The following SEC61A2 variants were observed in gnomAD, a reference collection of about 807,000 sequenced individuals.
SEC61A2 encodes SEC61 translocon subunit alpha 2, also known as protein transport protein Sec61 subunit alpha isoform 2.
A neutral mutation model predicts 59.9 loss-of-function variants in SEC61A2; 28 were observed. The observed-to-expected ratio is 0.47, with a 90% CI of 0.35 to 0.64. SEC61A2 has a LOEUF of 0.64. Ranked by LOEUF, SEC61A2 falls within the 30% of genes least tolerant of loss-of-function variation. SEC61A2 has a pLI of 0.01. For synonymous variants in SEC61A2, 202 were observed against 214.4 expected (o/e 0.94, Z 0.50); for missense variants, 340 against 585.9 (o/e 0.58, Z 4.33).
In SEC61A2 at chr10:12,145,754, T is replaced by C. The variant is rs1170755978; in HGVS notation, c.220+2559T>C. 1.3e-5 allele frequency among the ~76,000 whole-genome samples: 2 copies of C among 152,310 alleles called. No homozygotes were observed. The highest frequency in any genetic ancestry group is 3.9e-4 in the East Asian group (2 of 5,182). On this transcript the variant is annotated intron_variant, in intron 4 of 11. Coordinates refer to ENST00000298428, the MANE Select transcript of SEC61A2 (RefSeq NM_018144.4). The surrounding 1 kb of genome is among the most constrained non-coding windows in gnomAD (Gnocchi z 4.4). Reference sequence around the variant, plus strand: ...CAGCCTTGTTAGGATGTTGGAACATTACCCATCTGACATGAAAAGAAAAAA... The same window carrying C: ...CAGCCTTGTTAGGATGTTGGAACATCACCCATCTGACATGAAAAGAAAAAA...
chr10:12,169,936 C>A (rs956737401), downstream of SEC61A2: 10 of 569,792 alleles, frequency 1.8e-5, no homozygotes, highest in Admixed American at 3.2e-4. This position sits in a 1 kb window ranked among gnomAD's most constrained non-coding sequence, Gnocchi z 4.8. Context: ...ACACTTATAC[C>A]CAATAAAATA....
chr10:12,151,849 C>CACA (rs1204363543), intron 6 of SEC61A2, among the ~76,000 whole-genome samples: 1 of 150,884 alleles, frequency 6.6e-6, no homozygotes, highest in Non-Finnish European at 1.5e-5. Context: ...CTTGGCTCAA[C>CACA]ACAACCTCTG....
Position 12,141,897 on chromosome 10 carries a change from C to T in SEC61A2, c.142-1220C>T, listed in dbSNP as rs115536847. Among the ~76,000 whole-genome samples, 921 of 152,172 alleles carry T rather than the reference C, an allele frequency of 6.1e-3. 10 individuals carry two copies. Among genetic ancestry groups the T allele is most frequent in the African/African-American group, 0.021 (865 of 41,504 alleles). ...TGACCCGCAAACACTGAAGGAGCTG[C>T]GAAACCAATGAATGAGGGAGACAAA... On this transcript the variant is annotated intron_variant, in intron 3 of 11. Coordinates refer to ENST00000298428, the MANE Select transcript of SEC61A2 (RefSeq NM_018144.4).
rs1315355699 is a variant in SEC61A2 at position 12,155,785 on chromosome 10, T to C, written c.470T>C (p.Val157Ala). ...GCATTTCTTTCCCCACAGTTGTTTG[T>C]TGCTGGTTTGATTGTGCTGCTGTTA... ...ICLLIIIQLF[V>A]AGLIVLLLDE... The change falls in exon 7 of 12, where the codon GTT (valine) becomes GCT (alanine). Residue 157 changes from valine (V) to alanine (A), a missense_variant. Around this residue, in one of 3 missense-constraint regions of SEC61A2, gnomAD observed 283 missense variants for 483.2 expected, o/e 0.59. Coordinates refer to ENST00000298428, the MANE Select transcript of SEC61A2 (RefSeq NM_018144.4). The surrounding 1 kb of genome is among the most constrained non-coding windows in gnomAD (Gnocchi z 4.3). 1 of 1,614,102 alleles carries C rather than the reference T, an allele frequency of 6.2e-7. No homozygotes were observed. The highest frequency in any genetic ancestry group is 8.5e-7 in the Non-Finnish European group (1 of 1,180,024).
intron 1 of SEC61A2, among the ~76,000 whole-genome samples, chr10:12,131,281 G>T (rs933636493): frequency 6.6e-6 from 1 of 152,206 alleles, no homozygotes; most frequent in African/African-American, 2.4e-5. Context: ...ACTCACGTCA[G>T]CTTTAAGACA....
At chr10:12,135,432 T>C (rs1564406798) in intron 2 of SEC61A2, among the ~76,000 whole-genome samples, 2 of 152,198 alleles carry the variant, frequency 1.3e-5, no homozygotes, top group Admixed American at 6.6e-5. Context: ...TAAAAAAATA[T>C]AAGCTTAATT....
downstream of SEC61A2, among the ~76,000 whole-genome samples, chr10:12,169,001 G>T (rs1166535294): frequency 2.0e-5 from 3 of 152,162 alleles, no homozygotes; most frequent in Admixed American, 2.0e-4. This position sits in a 1 kb window ranked among gnomAD's most constrained non-coding sequence, Gnocchi z 4.8. Flanking sequence ...GACCTCAAGT[G>T]ATCAGCCTAC....
intron 3 of SEC61A2, 65 bp downstream of exon 3, chr10:12,136,235 T>A: frequency 1.9e-6 from 2 of 1,029,396 alleles, no homozygotes; most frequent in Non-Finnish European, 3.0e-6. Flanking sequence ...TGGTTAGAAT[T>A]TGAGAATTTT....
chr10:12,139,163 T>C lies in SEC61A2; in HGVS notation c.141+2993T>C, dbSNP rs532365377. Among the ~76,000 whole-genome samples the C allele has an allele frequency of 4.8e-3, 723 of 152,056 alleles. 4 individuals carry two copies. Among genetic ancestry groups the C allele is most frequent in the Non-Finnish European group, 8.0e-3 (546 of 67,970 alleles). On this transcript the variant is annotated intron_variant, in intron 3 of 11. Coordinates refer to ENST00000298428, the MANE Select transcript of SEC61A2 (RefSeq NM_018144.4). ...TTTTCGTAGAGCTGGGGTTTTACCA[T>C]GTTGGACAGGCTGTTCTTGAACTCC...
At chr10:12,165,575 G>A (rs116269610), downstream of SEC61A2, 1 of 159,310 alleles carries the variant, frequency 6.3e-6, no homozygotes, top group African/African-American at 2.4e-5. Flanking sequence ...TAACATTTGG[G>A]AGGAAACAGG....
chr10:12,169,480 G>A (rs1371594527), downstream of SEC61A2: 10 of 580,936 alleles, frequency 1.7e-5, no homozygotes, highest in East Asian at 6.0e-5. This position sits in a 1 kb window ranked among gnomAD's most constrained non-coding sequence, Gnocchi z 4.8. Context: ...TATGGTCCGC[G>A]GAGCCTCAAA....
At chr10:12,167,838 G>A (rs1834743306), downstream of SEC61A2, 3 of 1,612,122 alleles carry the variant, frequency 1.9e-6, no homozygotes, top group Admixed American at 5.0e-5. Context: ...AAACAACTTA[G>A]ATCATGCCGT....
chr10:12,169,097 C>T (rs1183199139), downstream of SEC61A2, among the ~76,000 whole-genome samples: 3 of 152,098 alleles, frequency 2.0e-5, no homozygotes, highest in Admixed American at 6.6e-5. This position sits in a 1 kb window ranked among gnomAD's most constrained non-coding sequence, Gnocchi z 4.8. Flanking sequence ...ACTTTCCTTC[C>T]GACTTCTCAA....
intron 3 of SEC61A2, among the ~76,000 whole-genome samples, chr10:12,140,556 T>C (rs1025645267): frequency 1.3e-5 from 2 of 152,228 alleles, no homozygotes; most frequent in Non-Finnish European, 2.9e-5. Flanking sequence ...CGCCTAACCA[T>C]GGCGGATTAA....
Position 12,149,760 on chromosome 10 carries a change from A to G in SEC61A2, c.352+34A>G, listed in dbSNP as rs759637567. On this transcript the variant is annotated intron_variant, in intron 5 of 11. Coordinates refer to ENST00000298428, the MANE Select transcript of SEC61A2 (RefSeq NM_018144.4). The surrounding 1 kb of genome is among the most constrained non-coding windows in gnomAD (Gnocchi z 5.2). ...TAATGCAATTAAAGAGCATTCTCCA[A>G]ATTTGAGAGTGCTCGTGGTAAAGAT... 1 of 1,606,220 alleles carries G rather than the reference A, an allele frequency of 6.2e-7. No homozygotes were observed. The highest frequency in any genetic ancestry group is 2.2e-5 in the East Asian group (1 of 44,772).
rs35428328 is a variant in SEC61A2, at chr10:12,157,502, A to ATTTTT, written c.778-391_778-387dup. On this transcript the variant is annotated intron_variant, in intron 8 of 11. Coordinates refer to ENST00000298428, the MANE Select transcript of SEC61A2 (RefSeq NM_018144.4). Reference sequence around the variant, plus strand: ...AGGCACGTGCCACCACGCCCGGCTAATTTTTTTTTTTTTTTTTTTGAGATG... The same window carrying ATTTTT: ...AGGCACGTGCCACCACGCCCGGCTAATTTTTTTTTTTTTTTTTTTTTTTTGAGATG... 1.9e-3 allele frequency among the ~76,000 whole-genome samples: 211 copies of ATTTTT among 111,066 alleles called. 3 individuals carry two copies. Among genetic ancestry groups the ATTTTT allele is most frequent in the African/African-American group, 7.3e-3 (200 of 27,350 alleles). 72.9% of individuals were successfully genotyped at this position (111,066 alleles called of 152,430 possible).
chr10:12,169,518 C>T (rs1046862167), downstream of SEC61A2: 14 of 518,866 alleles, frequency 2.7e-5, 1 homozygote, highest in Admixed American at 1.4e-4. The surrounding 1 kb of genome is among the most constrained non-coding windows in gnomAD (Gnocchi z 4.8). Flanking sequence ...CTCCGAGCTG[C>T]GCTGCCTCGT....
chr10:12,157,090 A>G lies in SEC61A2; in HGVS notation c.777+23A>G, dbSNP rs531151786. ...CAAGTAAGTATAACCTTTTCACCAA[A>G]GTAAGTGGGATGTAGATTTTTATTT... is the stretch of plus-strand genomic sequence containing the variant. On this transcript the variant is annotated intron_variant, in intron 8 of 11. Transcript: ENST00000298428. 4.3e-5 allele frequency: 69 copies of G among 1,601,860 alleles called. No individual in the cohort carries two copies. In the East Asian group the frequency reaches 7.6e-4, roughly 18 times the overall value.
chr10:12,166,225 G>A (rs1834686229), downstream of SEC61A2: 1 of 153,216 alleles, frequency 6.5e-6, no homozygotes. Flanking sequence ...TGGAAAGACT[G>A]GGCTGCGCCC....
Sources: allele counts gnomAD v4.1 joint callset (sites outside exome capture counted in the v4.1 genomes callset), GRCh38; gene constraint gnomAD v4.1.1; regional missense constraint gnomAD v4.1.1; non-coding constraint Gnocchi (gnomAD v3.1); transcripts MANE v1.5; gene names NCBI Gene and HGNC (gene_info 2026-07-23, HGNC 2026-07-21).